The following PCDH9 variants were observed in gnomAD, a reference collection of about 807,000 sequenced individuals.
The protein encoded by PCDH9 is protocadherin-9.
Under a neutral mutation model 70.6 loss-of-function variants are expected in PCDH9, and 24 were observed. That is an observed-to-expected ratio of 0.34 (90% CI 0.25 to 0.48). PCDH9 has a LOEUF of 0.48. PCDH9 is among the 20% of genes least tolerant of loss of function. PCDH9 has a pLI of 0.99. For synonymous variants in PCDH9, 562 were observed against 558.5 expected (o/e 1.01, Z -0.09); for missense variants, 1,281 against 1,503.6 (o/e 0.85, Z 2.45).
intron 2 of PCDH9, among the ~76,000 whole-genome samples, chr13:67,116,020 A>G (rs368060484): frequency 1.3e-5 from 2 of 152,306 alleles, no homozygotes; most frequent in East Asian, 3.9e-4. Context: ...AGTTACTTAA[A>G]TCCTCCAAGT....
chr13:66,662,626 C>A (rs1428370271), intron 3 of PCDH9, among the ~76,000 whole-genome samples: 1 of 152,128 alleles, frequency 6.6e-6, no homozygotes, highest in African/African-American at 2.4e-5. Context: ...TAGCTTGGAG[C>A]AGACCGTCAT....
At chr13:66,641,443 G>GA (rs2077707449) in intron 3 of PCDH9, among the ~76,000 whole-genome samples, 1 of 152,148 alleles carries the variant, frequency 6.6e-6, no homozygotes, top group African/African-American at 2.4e-5. Context: ...ACAAAATGTA[G>GA]GTAAAGATCC....
At chr13:67,032,547 A>C (rs2084928861) in intron 2 of PCDH9, among the ~76,000 whole-genome samples, 2 of 152,162 alleles carry the variant, frequency 1.3e-5, no homozygotes, top group Non-Finnish European at 2.9e-5. Flanking sequence ...TTATGTAAAA[A>C]TTCTTATGGA....
At chr13:67,102,010 C>G (rs1448332964) in intron 2 of PCDH9, among the ~76,000 whole-genome samples, 2 of 152,092 alleles carry the variant, frequency 1.3e-5, no homozygotes, top group Non-Finnish European at 2.9e-5. Flanking sequence ...TTACTGTAGT[C>G]CTAGTATTTA....
chr13:67,031,437 G>T (rs1283729792), intron 2 of PCDH9, among the ~76,000 whole-genome samples: 2 of 152,138 alleles, frequency 1.3e-5, no homozygotes, highest in African/African-American at 4.8e-5. Flanking sequence ...AGGCGAGGTG[G>T]TTCATGTCTG....
At chr13:66,948,876 C>T (rs1028860137) in intron 2 of PCDH9, among the ~76,000 whole-genome samples, 112 of 151,978 alleles carry the variant, frequency 7.4e-4, no homozygotes, top group African/African-American at 2.5e-3. Flanking sequence ...ATTTAATTAC[C>T]GAGCCTTTGG....
chr13:66,676,378 T>C (rs1455385011), intron 3 of PCDH9, among the ~76,000 whole-genome samples: 1 of 149,552 alleles, frequency 6.7e-6, no homozygotes, highest in African/African-American at 2.4e-5. Context: ...TTCTATTCCA[T>C]AGAACTAAGC....
At chr13:66,609,825 T>C (rs982069727) in intron 4 of PCDH9, among the ~76,000 whole-genome samples, 2 of 152,118 alleles carry the variant, frequency 1.3e-5, no homozygotes, top group Non-Finnish European at 2.9e-5. Flanking sequence ...ACTTCATTCA[T>C]AAAAATATAC....
At chr13:67,163,897 T>A (rs2088031702) in intron 2 of PCDH9, among the ~76,000 whole-genome samples, 1 of 152,210 alleles carries the variant, frequency 6.6e-6, no homozygotes, top group Non-Finnish European at 1.5e-5. Context: ...AGAAGCATAA[T>A]GACATCCTAT....
intron 4 of PCDH9, among the ~76,000 whole-genome samples, chr13:66,480,155 T>G (rs1355821656): frequency 6.6e-6 from 1 of 152,164 alleles, no homozygotes; most frequent in Non-Finnish European, 1.5e-5. Context: ...ATTCCAACTC[T>G]CACAGATTAC....
chr13:66,583,429 A>G (rs1049714618), intron 4 of PCDH9, among the ~76,000 whole-genome samples: 1 of 151,934 alleles, frequency 6.6e-6, no homozygotes, highest in Non-Finnish European at 1.5e-5. Flanking sequence ...TGGCTAACAC[A>G]GTGAAAACCT....
intron 2 of PCDH9, among the ~76,000 whole-genome samples, chr13:67,012,875 A>G (rs895064649): frequency 1.3e-5 from 2 of 152,006 alleles, no homozygotes; most frequent in African/African-American, 2.4e-5. Flanking sequence ...AGCGGACCTA[A>G]GTGTAAATTG....
intron 2 of PCDH9, among the ~76,000 whole-genome samples, chr13:66,931,626 G>A (rs143613752): frequency 9.9e-5 from 15 of 152,220 alleles, no homozygotes; most frequent in African/African-American, 3.6e-4. Flanking sequence ...AATTTCTAAT[G>A]CATTGTAGTT....
intron 4 of PCDH9, among the ~76,000 whole-genome samples, chr13:66,471,831 T>A (rs1958624891): frequency 6.6e-6 from 1 of 152,116 alleles, no homozygotes; most frequent in Non-Finnish European, 1.5e-5. Flanking sequence ...AGGGAAAGTG[T>A]GGGTTATTTG....
At chr13:66,367,648 A>C (rs1255987730) in intron 4 of PCDH9, among the ~76,000 whole-genome samples, 1 of 152,156 alleles carries the variant, frequency 6.6e-6, no homozygotes, top group Non-Finnish European at 1.5e-5. Context: ...AATGGCAAGC[A>C]TAGGGAGCTG....
At chr13:66,749,340 C>A (rs893106977) in intron 3 of PCDH9, among the ~76,000 whole-genome samples, 1 of 152,146 alleles carries the variant, frequency 6.6e-6, no homozygotes, top group Non-Finnish European at 1.5e-5. Flanking sequence ...CAAAATCCAT[C>A]TGCACCCTCT....
intron 2 of PCDH9, among the ~76,000 whole-genome samples, chr13:67,066,130 G>A (rs1026758090): frequency 3.3e-5 from 5 of 151,858 alleles, no homozygotes; most frequent in Non-Finnish European, 7.4e-5. Context: ...GTTCAGGGTT[G>A]TTTCTCATAG....
In PCDH9 at chr13:66,349,290, G is replaced by T. The variant is rs900785925; in HGVS notation, c.3341-44262C>A. ...ATGCCTTGGTTGTTGAAGGAAAGGG[G>T]TGATTTAAAGCATACGCCTGTGCTC... On this transcript the variant is annotated intron_variant, in intron 4 of 4. Transcript: ENST00000377865. 2.6e-5 allele frequency among the ~76,000 whole-genome samples: 4 copies of T among 152,096 alleles called. No homozygotes were observed. The South Asian group carries it at 8.3e-4, about 32-fold the overall frequency.
At chr13:66,890,026 C>G (rs989767340) in intron 3 of PCDH9, among the ~76,000 whole-genome samples, 1 of 151,996 alleles carries the variant, frequency 6.6e-6, no homozygotes, top group Non-Finnish European at 1.5e-5. Flanking sequence ...GCAAGCAAAC[C>G]CATTTTATTA....
Sources: gnomAD v4.1 joint callset for allele counts (sites outside exome capture counted in the v4.1 genomes callset) on GRCh38, gnomAD v4.1.1 for gene constraint, MANE v1.5 for transcripts, NCBI Gene and HGNC (gene_info 2026-07-23, HGNC 2026-07-21) for gene names.